Variants in ZNF597 observed in about 807,000 individuals in gnomAD.
The protein encoded by ZNF597 is zinc finger protein 597.
A neutral mutation model predicts 7.3 loss-of-function variants in ZNF597; 5 were observed. The ratio of observed to expected loss-of-function variants is 0.68; its 90% confidence interval spans 0.36 to 1.44. The LOEUF (loss-of-function observed/expected upper bound fraction) is 1.44, where lower values mean the gene tolerates loss of function less well. Ranked by LOEUF, ZNF597 falls within the 40% of genes most tolerant of loss-of-function variation. The probability of loss-of-function intolerance (pLI) is 0.04; values close to 1 mark genes in which losing one functional copy is unlikely to be tolerated. For missense variants in ZNF597, 585 were observed against 517.9 expected (o/e 1.13, Z -1.26); for synonymous variants, 209 against 185.4 (o/e 1.13, Z -1.04).
In ZNF597 at chr16:3,432,948, T is replaced by A. The variant is rs2034269091; in HGVS notation, c.*3476A>T. The A allele has an allele frequency of 6.6e-6, 1 of 152,234 alleles. No homozygotes were observed. Among genetic ancestry groups the A allele is most frequent in the African/African-American group, 2.4e-5 (1 of 41,472 alleles). The allele number at this position is 152,234 out of a possible 1,614,324, so 9.4% of individuals were successfully genotyped here. On this transcript the variant is annotated 3_prime_UTR_variant, in exon 4 of 4. Coordinates refer to ENST00000301744, the MANE Select transcript of ZNF597 (RefSeq NM_152457.3). ...TAAACTATAACCTGCTATGTCTCCCTTTGTACACATAGGCAGTAAATTGCA... is the reference window on the plus strand; with the variant it reads ...TAAACTATAACCTGCTATGTCTCCCATTGTACACATAGGCAGTAAATTGCA...
rs2034268689 is a variant in ZNF597 at position 3,432,883 on chromosome 16, G to A, written c.*3541C>T. ...CACTTTCCTACTAAAATCCCACAGG[G>A]ATAACAAGTTTAATGAACATTCAAA... On this transcript the variant is annotated 3_prime_UTR_variant, in exon 4 of 4. Coordinates refer to ENST00000301744, the MANE Select transcript of ZNF597 (RefSeq NM_152457.3). 6.6e-6 allele frequency: 1 copy of A among 152,174 alleles called. No individual in the cohort carries two copies. Among genetic ancestry groups the A allele is most frequent in the African/African-American group, 2.4e-5 (1 of 41,428 alleles). 9.4% of individuals were successfully genotyped at this position (152,174 alleles called of 1,614,324 possible).
At position 3,440,798 on chromosome 16, in the gene ZNF597, T is replaced by C. The variant is rs377060983; in HGVS notation, c.160+9A>G. 1.1e-5 allele frequency: 17 copies of C among 1,612,284 alleles called. No homozygotes were observed. The highest frequency in any genetic ancestry group is 4.0e-5 in the African/African-American group (3 of 74,802). Reference sequence around the variant, plus strand: ...AAAGTTCCAGATGCAGGAAAAACAATTGCCTTACCCATCAAAGCCGCATCC... The same window carrying C: ...AAAGTTCCAGATGCAGGAAAAACAACTGCCTTACCCATCAAAGCCGCATCC... On this transcript the variant is annotated intron_variant, in intron 3 of 3. Transcript: ENST00000301744.
In ZNF597 at chr16:3,436,894, C is replaced by T. The variant is rs765246420; in HGVS notation, c.805G>A (p.Glu269Lys). The change falls in exon 4 of 4, where the codon GAA (glutamate) becomes AAA (lysine). Residue 269 changes from glutamate to lysine, a missense_variant. Coordinates refer to ENST00000301744, the MANE Select transcript of ZNF597 (RefSeq NM_152457.3). ...AAATGTTTATCACAGTTAGTAGATT[C>T]GTAGGTGTTTTCAGCACTGTGGCTT... ...QKSHSAENTY[E>K]STNCDKHFNE... 2.5e-5 allele frequency: 40 copies of T among 1,614,032 alleles called. 1 individual carries two copies. The South Asian group carries it at 3.8e-4, about 16-fold the overall frequency.
At chr16:3,442,356 G>A (rs1235701569) in intron 2 of ZNF597, among the ~76,000 whole-genome samples, 1 of 152,080 alleles carries the variant, frequency 6.6e-6, no homozygotes, top group Non-Finnish European at 1.5e-5. Context: ...GAGTTCCTTG[G>A]CAAAGCAGCA....
In ZNF597 at chr16:3,443,201, AC is replaced by A. The variant is rs764182921; in HGVS notation, c.-49del. ...TTCAAGACGCCACAGGGACTTCGTG[AC>A]AAAGCTGCGGGGGGAGAGAACAGTT... is the stretch of plus-strand genomic sequence containing the variant. On this transcript the variant is annotated 5_prime_UTR_variant, in exon 2 of 4. It removes the in-frame stop codon of an upstream open reading frame in the 5' UTR. Coordinates refer to ENST00000301744, the MANE Select transcript of ZNF597 (RefSeq NM_152457.3). 3 of 1,593,120 alleles carry A rather than the reference AC, an allele frequency of 1.9e-6. No homozygotes were observed. The South Asian group carries it at 3.4e-5, about 18-fold the overall frequency.
At position 3,436,324 on chromosome 16, in the gene ZNF597, TA is replaced by T; in HGVS notation, c.*99del. The T allele has an allele frequency of 8.9e-7, 1 of 1,129,692 alleles. No homozygotes were observed. The highest frequency in any genetic ancestry group is 1.2e-6 in the Non-Finnish European group (1 of 803,888). The allele number at this position is 1,129,692 out of a possible 1,614,324, so 70.0% of individuals were successfully genotyped here. ...ATTAAGTATTACATGGGAATGTGTG[TA>T]AAGTGCTTAGCACATTGCCTGGGAC... On this transcript the variant is annotated 3_prime_UTR_variant, in exon 4 of 4. Coordinates refer to ENST00000301744, the MANE Select transcript of ZNF597 (RefSeq NM_152457.3).
At chr16:3,442,892 T>C (rs1271648443) in intron 2 of ZNF597, among the ~76,000 whole-genome samples, 2 of 152,116 alleles carry the variant, frequency 1.3e-5, no homozygotes, top group South Asian at 2.1e-4. Context: ...AGAAACTCTC[T>C]CAGAGATTCC....
intron 2 of ZNF597, among the ~76,000 whole-genome samples, chr16:3,441,635 G>A (rs191571371): frequency 6.6e-6 from 1 of 152,178 alleles, no homozygotes; most frequent in Admixed American, 6.6e-5. Context: ...GCAGTAAGCC[G>A]AGATTGCACC....
Position 3,436,815 on chromosome 16 carries a change from T to C in ZNF597, c.884A>G (p.Gln295Arg), listed in dbSNP as rs764289897. 1 of 1,613,780 alleles carries C rather than the reference T, an allele frequency of 6.2e-7. No individual in the cohort carries two copies. Among genetic ancestry groups the C allele is most frequent in the South Asian group, 1.1e-5 (1 of 91,080 alleles). Residue 295 changes from glutamine to arginine, a missense_variant, in exon 4 of 4, where the codon CAG becomes CGG. Transcript: ENST00000301744. ...CTTCATGCACTTAGTGTGCTGGTAC[T>C]GGGGGCCTGATACGAATGTTTCCTC... ...LPEETFVSGP[Q>R]YQHTKCMKSF... is the part of the protein sequence containing the mutation.
intron 1 of ZNF597, 59 bp from the exon 2 acceptor site, chr16:3,443,265 A>G: frequency 6.5e-6 from 7 of 1,081,734 alleles, no homozygotes; most frequent in Non-Finnish European, 9.3e-6. Context: ...TTCCTCCACT[A>G]CCCCTAGCCT....
chr16:3,437,056 C>T lies in ZNF597; in HGVS notation c.643G>A (p.Ala215Thr). ...IHTGEKPYKC[A>T]KCSASFRQHS... is the part of the protein sequence containing the mutation. ...TGGCGAAAGCTGGCACTGCACTTGG[C>T]ACACTTATAAGGTTTCTCACCAGTA... The change falls in exon 4 of 4, where the codon GCC becomes ACC. Residue 215 changes from alanine (A) to threonine (T), a missense_variant. Transcript: ENST00000301744. The T allele has an allele frequency of 6.2e-7, 1 of 1,614,210 alleles. No individual in the cohort carries two copies. Among genetic ancestry groups the T allele is most frequent in the Non-Finnish European group, 8.5e-7 (1 of 1,180,036 alleles).
In ZNF597 at chr16:3,436,273, C is replaced by G. The variant is rs183392005; in HGVS notation, c.*151G>C. On this transcript the variant is annotated 3_prime_UTR_variant, in exon 4 of 4. Coordinates refer to ENST00000301744, the MANE Select transcript of ZNF597 (RefSeq NM_152457.3). ...CCCTACTTATAAAATGGAAATGATA[C>G]TGCCTAAATCACGGTTGTGCTGAGA... 1.3e-6 allele frequency: 1 copy of G among 757,298 alleles called. No homozygotes were observed. The highest frequency in any genetic ancestry group is 2.1e-6 in the Non-Finnish European group (1 of 483,754). The allele number at this position is 757,298 out of a possible 1,614,324, so 46.9% of individuals were successfully genotyped here. A position where few individuals can be genotyped will look rare whatever the true frequency, so the allele number is the denominator to read the frequency against.
In ZNF597 at chr16:3,435,613, A is replaced by G. The variant is rs2034292727; in HGVS notation, c.*811T>C. 4 of 152,198 alleles carry G rather than the reference A, an allele frequency of 2.6e-5. No individual in the cohort carries two copies. Among genetic ancestry groups the G allele is most frequent in the Admixed American group, 2.6e-4 (4 of 15,274 alleles). The allele number at this position is 152,198 out of a possible 1,614,324, so 9.4% of individuals were successfully genotyped here. A position where few individuals can be genotyped will look rare whatever the true frequency, so the allele number is the denominator to read the frequency against. On this transcript the variant is annotated 3_prime_UTR_variant, in exon 4 of 4. Coordinates refer to ENST00000301744, the MANE Select transcript of ZNF597 (RefSeq NM_152457.3). ...GAAGATTAAATTACATAATATATCT[A>G]AAGTAGCTAGCATGCTCACTGAGAA...
Position 3,436,467 on chromosome 16 carries a change from T to A in ZNF597, c.1232A>T (p.His411Leu), listed in dbSNP as rs757067739. Residue 411 changes from histidine (H) to leucine (L), a missense_variant, in exon 4 of 4, where the codon CAT (histidine) becomes CTT (leucine). Physicochemically the swap from His to Leu is moderately conservative, Grantham distance 99 (BLOSUM62 -3). Transcript: ENST00000301744. The part of the protein sequence containing the change: ...VCGKTFKSNL[H>L]LITHKRTHIK... The stretch of plus-strand genomic sequence containing the variant: ...GTGAGTTCGCTTATGAGTAATGAGA[T>A]GCAAATTCGACTTGAAAGTTTTCCC... 12 of 1,614,118 alleles carry A rather than the reference T, an allele frequency of 7.4e-6. No individual in the cohort carries two copies. The South Asian group carries it at 1.2e-4, about 16-fold the overall frequency.
intron 2 of ZNF597, 24 bp from the exon 3 acceptor site, chr16:3,440,957 G>A (rs887726122): frequency 6.2e-7 from 1 of 1,608,054 alleles, no homozygotes. Context: ...GCCTGTGTCA[G>A]CACAAGAGGG....
In ZNF597 at chr16:3,433,776, A is replaced by G. The variant is rs368543459; in HGVS notation, c.*2648T>C. The stretch of plus-strand genomic sequence containing the variant: ...TGTATTTAAGTACAACTGCACAATA[A>G]GCACAACTGAAAATATGCCTCTTTC... On this transcript the variant is annotated 3_prime_UTR_variant, in exon 4 of 4. Transcript: ENST00000301744. The G allele has an allele frequency of 8.5e-5, 13 of 152,240 alleles. No individual in the cohort carries two copies. Among genetic ancestry groups the G allele is most frequent in the East Asian group, 5.8e-4 (3 of 5,204 alleles). 9.4% of individuals were successfully genotyped at this position (152,240 alleles called of 1,614,324 possible).
chr16:3,442,246 T>C (rs1051854092), intron 2 of ZNF597, among the ~76,000 whole-genome samples: 1 of 152,142 alleles, frequency 6.6e-6, no homozygotes, highest in Non-Finnish European at 1.5e-5. Context: ...TCATTCAAAT[T>C]GGAGAAGTAC....
intron 3 of ZNF597, among the ~76,000 whole-genome samples, chr16:3,438,200 G>C (rs1275032903): frequency 7.1e-6 from 1 of 139,904 alleles, no homozygotes; most frequent in Non-Finnish European, 1.5e-5. Flanking sequence ...AGGTGACAGA[G>C]CCAGAACTTG....
chr16:3,439,080 C>T (rs1243664440), intron 3 of ZNF597, among the ~76,000 whole-genome samples: 1 of 152,044 alleles, frequency 6.6e-6, no homozygotes, highest in Non-Finnish European at 1.5e-5. Context: ...CATGGGGTCC[C>T]CTTAAGACTT....
Sources: allele counts gnomAD v4.1 joint callset (sites outside exome capture counted in the v4.1 genomes callset), GRCh38; gene constraint gnomAD v4.1.1; transcripts MANE v1.5; gene names NCBI Gene and HGNC (gene_info 2026-07-23, HGNC 2026-07-21).